Variants in GRID1 observed in about 807,000 individuals in gnomAD.
GRID1 encodes glutamate ionotropic receptor delta type subunit 1.
GRID1 carries 28 observed loss-of-function variants against 98.0 expected under a neutral mutation model. The ratio of observed to expected loss-of-function variants is 0.29; its 90% CI spans 0.21 to 0.39. The LOEUF (loss-of-function observed/expected upper bound fraction) is 0.39, where lower values mean the gene tolerates loss of function less well. Among genes scored for constraint, GRID1 ranks in the 10% least tolerant of loss-of-function variants. GRID1 has a pLI of 1.00. For synonymous variants in GRID1, 553 were observed against 538.5 expected, an observed-to-expected ratio of 1.03 and a Z score of -0.37; for missense variants, 1,111 against 1,340.5, an observed-to-expected ratio of 0.83 and a Z score of 2.67.
At chr10:86,005,560 TAA>T (rs1164946725) in intron 4 of GRID1, among the ~76,000 whole-genome samples, 2 of 152,140 alleles carry the variant, frequency 1.3e-5, no homozygotes, top group East Asian at 3.8e-4. Context: ...CAAGCACTCA[TAA>T]AAATCACTGA....
Position 86,206,678 on chromosome 10 carries a change from G to C in GRID1, c.236-30C>G. On this transcript the variant is annotated intron_variant, in intron 2 of 15. Coordinates refer to ENST00000327946, the MANE Select transcript of GRID1 (RefSeq NM_017551.3). This position sits in a 1 kb window ranked among gnomAD's most constrained non-coding sequence, Gnocchi z 4.1. ...AAAGAGAGAAGAGAGAGAGGAAGGG[G>C]TCAGCATCAGGGCGATGCTGCACCA... The C allele has an allele frequency of 6.3e-7, 1 of 1,590,532 alleles. No individual in the cohort carries two copies. Among genetic ancestry groups the C allele is most frequent in the Non-Finnish European group, 8.6e-7 (1 of 1,163,634 alleles).
chr10:85,905,998 G>C (rs1841455493), intron 5 of GRID1, among the ~76,000 whole-genome samples: 2 of 152,026 alleles, frequency 1.3e-5, no homozygotes, highest in Admixed American at 1.3e-4. Context: ...AATAAGTGCT[G>C]CCTCCAGGAA....
At position 86,314,569 on chromosome 10, in the gene GRID1, C is replaced by A. The variant is rs541304121; in HGVS notation, c.235+49372G>T. On this transcript the variant is annotated intron_variant, in intron 2 of 15. Coordinates refer to ENST00000327946, the MANE Select transcript of GRID1 (RefSeq NM_017551.3). Reference sequence around the variant, plus strand: ...TCAGGTGTTCTGGGGGCATTTCCTGCCAGGCCTGGGAAATGGTGGCACAGG... The same window carrying A: ...TCAGGTGTTCTGGGGGCATTTCCTGACAGGCCTGGGAAATGGTGGCACAGG... Among the ~76,000 whole-genome samples, 575 of 152,286 alleles carry A rather than the reference C, an allele frequency of 3.8e-3. 2 individuals are homozygous for A. The highest frequency in any genetic ancestry group is 0.014 in the Middle Eastern group (4 of 294).
intron 3 of GRID1, among the ~76,000 whole-genome samples, chr10:86,141,389 T>C (rs989753134): frequency 4.6e-5 from 7 of 152,140 alleles, no homozygotes; most frequent in African/African-American, 1.7e-4. Flanking sequence ...GCAGGGCAAG[T>C]GTGCAGAGAT....
chr10:86,122,913 C>T (rs543610631), intron 4 of GRID1, among the ~76,000 whole-genome samples: 1 of 152,180 alleles, frequency 6.6e-6, no homozygotes, highest in African/African-American at 2.4e-5. Context: ...AGCTTAGTGC[C>T]CTGCCGTGCA....
At chr10:86,036,661 T>C (rs1843266371) in intron 4 of GRID1, among the ~76,000 whole-genome samples, 1 of 152,212 alleles carries the variant, frequency 6.6e-6, no homozygotes, top group African/African-American at 2.4e-5. Context: ...ACCTTCTCAC[T>C]GCAGCACGGT....
At chr10:85,662,955 G>A (rs906744248) in intron 12 of GRID1, among the ~76,000 whole-genome samples, 2 of 152,046 alleles carry the variant, frequency 1.3e-5, no homozygotes, top group African/African-American at 4.8e-5. Flanking sequence ...GCAAGATTTT[G>A]TTTCCCAAGC....
At chr10:85,647,125 A>G (rs1843204088) in intron 13 of GRID1, 77 bp downstream of exon 13, 3 of 1,110,396 alleles carry the variant, frequency 2.7e-6, no homozygotes, top group East Asian at 4.7e-5. Context: ...ATGCCCCTGG[A>G]GGTGTCTCCC....
At chr10:85,961,375 A>T (rs180953797) in intron 4 of GRID1, among the ~76,000 whole-genome samples, 2 of 152,170 alleles carry the variant, frequency 1.3e-5, no homozygotes, top group Non-Finnish European at 2.9e-5. Context: ...TGTAGAGCCC[A>T]CCAGGGACCC....
At chr10:86,161,276 G>C (rs547547342) in intron 3 of GRID1, among the ~76,000 whole-genome samples, 1 of 152,156 alleles carries the variant, frequency 6.6e-6, no homozygotes, top group African/African-American at 2.4e-5. Context: ...AGCACATTCA[G>C]GCACATTCAG....
In GRID1 at chr10:86,351,574, G is replaced by A. The variant is rs147413666; in HGVS notation, c.235+12367C>T. ...GACTAAAGGAGCCAGTGTACAGACC[G>A]CATTTGGAGTCAAATAGCCAGCTGC... On this transcript the variant is annotated intron_variant, in intron 2 of 15. Transcript: ENST00000327946. Among the ~76,000 whole-genome samples, 142 of 152,322 alleles carry A rather than the reference G, an allele frequency of 9.3e-4. 1 individual carries two copies. The highest frequency in any genetic ancestry group is 3.3e-3 in the African/African-American group (137 of 41,584).
chr10:85,874,710 G>T (rs571445975), intron 5 of GRID1, among the ~76,000 whole-genome samples: 9 of 152,144 alleles, frequency 5.9e-5, no homozygotes, highest in Non-Finnish European at 4.4e-5. Context: ...GTAGCTTACC[G>T]TGTGGTCAGT....
At chr10:85,614,065 T>C (rs1472623100) in intron 14 of GRID1, among the ~76,000 whole-genome samples, 1 of 152,258 alleles carries the variant, frequency 6.6e-6, no homozygotes, top group Non-Finnish European at 1.5e-5. Context: ...CTTTCATTAC[T>C]ATATCCTAAG....
intron 15 of GRID1, 96 bp downstream of exon 15, chr10:85,613,311 T>C (rs755599232): frequency 3.0e-4 from 371 of 1,232,866 alleles, no homozygotes; most frequent in Non-Finnish European, 5.8e-5. Context: ...ATGACTCAGG[T>C]AAATACTAAC....
chr10:86,247,496 T>C (rs1377937924), intron 2 of GRID1, among the ~76,000 whole-genome samples: 1 of 152,026 alleles, frequency 6.6e-6, no homozygotes, highest in Non-Finnish European at 1.5e-5. Context: ...AATGGATGGA[T>C]AGATAAATTC....
intron 2 of GRID1, among the ~76,000 whole-genome samples, chr10:86,338,399 A>G (rs550308269): frequency 2.0e-5 from 3 of 152,268 alleles, no homozygotes; most frequent in African/African-American, 7.2e-5. Flanking sequence ...AGTCAAGCAG[A>G]GCCACAAAGA....
At chr10:86,100,219 A>C (rs1284921347) in intron 4 of GRID1, among the ~76,000 whole-genome samples, 1 of 152,218 alleles carries the variant, frequency 6.6e-6, no homozygotes, top group Non-Finnish European at 1.5e-5. Flanking sequence ...CACATAACTG[A>C]GCCTTGACTC....
intron 5 of GRID1, among the ~76,000 whole-genome samples, chr10:85,889,704 G>A (rs966509333): frequency 1.3e-5 from 2 of 152,106 alleles, no homozygotes; most frequent in African/African-American, 4.8e-5. Flanking sequence ...ACCCAGAAGT[G>A]GGATTGCTGG....
chr10:85,933,914 A>G (rs1172410763), intron 4 of GRID1, among the ~76,000 whole-genome samples: 3 of 152,372 alleles, frequency 2.0e-5, no homozygotes, highest in Non-Finnish European at 4.4e-5. Context: ...ACTTTGATCA[A>G]CACATCTTTC....
Sources: gnomAD v4.1 joint callset for allele counts (sites outside exome capture counted in the v4.1 genomes callset) on GRCh38, gnomAD v4.1.1 for gene constraint, Gnocchi (gnomAD v3.1) non-coding constraint, MANE v1.5 for transcripts, NCBI Gene and HGNC (gene_info 2026-07-23, HGNC 2026-07-21) for gene names.